The following PRRC2A variants were observed in gnomAD, a reference collection of about 807,000 sequenced individuals.
The protein encoded by PRRC2A is protein PRRC2A.
Under a neutral mutation model 224.6 loss-of-function variants are expected in PRRC2A, and 59 were observed. The observed-to-expected ratio is 0.26, with a 90% CI of 0.21 to 0.33. The LOEUF is 0.33. Ranked by LOEUF, PRRC2A falls within the 10% of genes least tolerant of loss-of-function variation. PRRC2A has a pLI of 1.00. For synonymous variants in PRRC2A, 1,194 were observed against 1,109.5 expected, an observed-to-expected ratio of 1.08 and a Z score of -1.51; for missense variants, 3,095 against 2,880.7, an observed-to-expected ratio of 1.07 and a Z score of -1.70.
In PRRC2A at chr6:31,635,986, A is replaced by C; in HGVS notation, c.5561A>C (p.Asp1854Ala). The C allele has an allele frequency of 6.2e-7, 1 of 1,612,526 alleles. No homozygotes were observed. Among genetic ancestry groups the C allele is most frequent in the East Asian group, 2.2e-5 (1 of 44,862 alleles). The change falls in exon 25 of 31, where the codon GAC becomes GCC. Residue 1854 changes from aspartate to alanine, a missense_variant. Physicochemically the swap from Asp to Ala is moderately radical, Grantham distance 126. Around this residue, in one of 8 missense-constraint regions of PRRC2A, gnomAD observed 662 missense variants for 609.5 expected, o/e 1.09. Coordinates refer to ENST00000376033, the MANE Select transcript of PRRC2A (RefSeq NM_004638.4). ...SSSQISGGAM[D>A]SQLHPNSGGF... is the part of the protein sequence containing the mutation. ...CTGCAGATCTCTGGGGGAGCCATGG[A>C]CTCTCAATTACATCCAAACAGTGGA...
In PRRC2A at chr6:31,632,240, C is replaced by T; in HGVS notation, c.3567C>T (p.Ala1189=). The T allele has an allele frequency of 6.2e-7, 1 of 1,612,858 alleles. No individual in the cohort carries two copies. Among genetic ancestry groups the T allele is most frequent in the Non-Finnish European group, 8.5e-7 (1 of 1,179,926 alleles). Residue 1189 remains alanine, a synonymous_variant, in exon 16 of 31, where the codon GCC becomes GCT. Coordinates refer to ENST00000376033, the MANE Select transcript of PRRC2A (RefSeq NM_004638.4). The part of the protein sequence containing the change: ...PQVCPGWSPP[A]KSLAPKKPPT... The stretch of plus-strand genomic sequence containing the variant: ...TTTGCCCAGGCTGGAGCCCTCCAGC[C>T]AAGTCTCTGGCTCCCAAGAAACCTC...
At position 31,625,981 on chromosome 6, in the gene PRRC2A, A is replaced by T. The variant is rs1366541193; in HGVS notation, c.840-39A>T. On this transcript the variant is annotated intron_variant, in intron 8 of 30. Coordinates refer to ENST00000376033, the MANE Select transcript of PRRC2A (RefSeq NM_004638.4). This position sits in a 1 kb window ranked among gnomAD's most constrained non-coding sequence, Gnocchi z 4.1. The stretch of plus-strand genomic sequence containing the variant: ...TCTAGGATCAGTCTCGCATGTGGTT[A>T]TACAACATGCCATATTTCATTTTCT... 3 of 1,607,950 alleles carry T rather than the reference A, an allele frequency of 1.9e-6. No individual in the cohort carries two copies. The highest frequency in any genetic ancestry group is 2.2e-5 in the South Asian group (2 of 90,578).
chr6:31,633,861 C>A lies in PRRC2A; in HGVS notation c.4591C>A (p.Pro1531Thr). ...CTGACCCTTTTTCTCTTTCCCAGACCCCCACTTTGAGGAGCCGGGGCCAAT... is the reference window on the plus strand; with the variant it reads ...CTGACCCTTTTTCTCTTTCCCAGACACCCACTTTGAGGAGCCGGGGCCAAT... ...QRVNSGLSSD[P>T]HFEEPGPMVR... Residue 1531 changes from proline to threonine, a missense_variant and splice_region_variant, in exon 18 of 31, where the codon CCC becomes ACC. This residue lies in a region of PRRC2A where 2,001 missense variants were observed against 1,764.9 expected (regional missense o/e 1.13). Transcript: ENST00000376033. 1 of 1,576,516 alleles carries A rather than the reference C, an allele frequency of 6.3e-7. No individual in the cohort carries two copies. The highest frequency in any genetic ancestry group is 8.5e-7 in the Non-Finnish European group (1 of 1,169,994).
chr6:31,632,599 T>C lies in PRRC2A; in HGVS notation c.3926T>C (p.Leu1309Pro). 2 of 1,613,046 alleles carry C rather than the reference T, an allele frequency of 1.2e-6. No individual in the cohort carries two copies. The highest frequency in any genetic ancestry group is 1.3e-5 in the African/African-American group (1 of 75,040). Residue 1309 changes from leucine (L) to proline (P), a missense_variant, in exon 16 of 31, where the codon CTG (leucine) becomes CCG (proline). Coordinates refer to ENST00000376033, the MANE Select transcript of PRRC2A (RefSeq NM_004638.4). Reference sequence around the variant, plus strand: ...CGGGCAGCTGCCAAGTCTCCTGATCTGTCAAACCAGAACTCAGACCAAGCC... The same window carrying C: ...CGGGCAGCTGCCAAGTCTCCTGATCCGTCAAACCAGAACTCAGACCAAGCC... ...PRRAAAKSPD[L>P]SNQNSDQANE...
chr6:31,627,218 G>A lies in PRRC2A; in HGVS notation c.1290+20G>A. ...TACCCAGTGAGTGTCTCCAATAAGG[G>A]ATTGAGAGGGTCAGCTGTGGGAAAT... On this transcript the variant is annotated intron_variant, in intron 11 of 30. Transcript: ENST00000376033. The surrounding 1 kb of genome is among the most constrained non-coding windows in gnomAD (Gnocchi z 5.6). The A allele has an allele frequency of 6.6e-7, 1 of 1,508,246 alleles. No homozygotes were observed. The highest frequency in any genetic ancestry group is 9.2e-7 in the Non-Finnish European group (1 of 1,090,672). The allele number at this position is 1,508,246 out of a possible 1,614,324, so 93.4% of individuals were successfully genotyped here.
At position 31,625,022 on chromosome 6, in the gene PRRC2A, T is replaced by G; in HGVS notation, c.464-149T>G. The G allele has an allele frequency of 3.5e-6, 3 of 847,956 alleles. No homozygotes were observed. The highest frequency in any genetic ancestry group is 5.6e-6 in the Non-Finnish European group (3 of 537,802). The allele number at this position is 847,956 out of a possible 1,614,324, so 52.5% of individuals were successfully genotyped here. A position where few individuals can be genotyped will look rare whatever the true frequency, so the allele number is the denominator to read the frequency against. On this transcript the variant is annotated intron_variant, in intron 5 of 30. Coordinates refer to ENST00000376033, the MANE Select transcript of PRRC2A (RefSeq NM_004638.4). The surrounding 1 kb of genome is among the most constrained non-coding windows in gnomAD (Gnocchi z 4.1). ...CACATGTTGGCCAGGATGGTCTCGA[T>G]CTCTTGACCTCGTGATCCGCCCGCC... is the stretch of plus-strand genomic sequence containing the variant.
At chr6:31,629,046 G>A (rs2150510509) in intron 12 of PRRC2A, 98 bp from the exon 13 acceptor site, 1 of 1,233,566 alleles carries the variant, frequency 8.1e-7, no homozygotes, top group East Asian at 2.3e-5. Flanking sequence ...GAATATTTTA[G>A]TCTTAAGGGA....
Position 31,632,334 on chromosome 6 carries a change from G to C in PRRC2A, c.3661G>C (p.Val1221Leu). Residue 1221 changes from valine to leucine, a missense_variant, in exon 16 of 31, where the codon GTG becomes CTG. Val to Leu is a conservative substitution (Grantham distance 32). Around this residue, in one of 8 missense-constraint regions of PRRC2A, gnomAD observed 2,001 missense variants for 1,764.9 expected, o/e 1.13. Transcript: ENST00000376033. ...EKLIPGPLSP[V>L]ARGGSNGGSN... The stretch of plus-strand genomic sequence containing the variant: ...GTTGATCCCAGGGCCTCTGTCCCCT[G>C]TGGCGCGCGGAGGCAGCAATGGAGG... 1 of 1,613,486 alleles carries C rather than the reference G, an allele frequency of 6.2e-7. No homozygotes were observed. Among genetic ancestry groups the C allele is most frequent in the Non-Finnish European group, 8.5e-7 (1 of 1,180,024 alleles).
In PRRC2A at chr6:31,636,889, A is replaced by T; in HGVS notation, c.6091A>T (p.Thr2031Ser). The change falls in exon 28 of 31, where the codon ACT becomes TCT. Residue 2031 changes from threonine (T) to serine (S), a missense_variant. Transcript: ENST00000376033. The surrounding 1 kb of genome is among the most constrained non-coding windows in gnomAD (Gnocchi z 4.3). ...TGTGCGGCCCCCACCTGCTCCTGCT[A>T]CTCGGGTGCTGCCTTCACCTGCCAG... ...LAVRPPPAPA[T>S]RVLPSPARPF... is the part of the protein sequence containing the mutation. The T allele has an allele frequency of 4.3e-6, 7 of 1,612,722 alleles. No homozygotes were observed. Among genetic ancestry groups the T allele is most frequent in the Non-Finnish European group, 5.9e-6 (7 of 1,179,974 alleles).
At position 31,624,902 on chromosome 6, in the gene PRRC2A, G is replaced by A. The variant is rs9501150; in HGVS notation, c.464-269G>A. 1.8e-3 allele frequency: 923 copies of A among 526,402 alleles called. 6 individuals carry two copies. Among genetic ancestry groups the A allele is most frequent in the African/African-American group, 0.013 (702 of 52,840 alleles). 32.6% of individuals were successfully genotyped at this position (526,402 alleles called of 1,614,324 possible). On this transcript the variant is annotated intron_variant, in intron 5 of 30. Coordinates refer to ENST00000376033, the MANE Select transcript of PRRC2A (RefSeq NM_004638.4). ...CAACCTCTGCCTCCTGGGTTCAAGC[G>A]ATTTTCCTGCCTCAGCCTCCAGAGT...
intron 14 of PRRC2A, 86 bp downstream of exon 14, chr6:31,629,931 C>T (rs2736163): frequency 0.045 from 70,460 of 1,560,504 alleles, 3,087 homozygotes; most frequent in African/African-American, 0.21. Context: ...GACTCTGGTA[C>T]GATAGGTTTT....
chr6:31,635,057 C>CGT, intron 21 of PRRC2A, 75 bp from the exon 22 acceptor site: 7 of 1,598,384 alleles, frequency 4.4e-6, no homozygotes, highest in East Asian at 4.5e-5. Flanking sequence ...TTTCTCTCTG[C>CGT]GTGTGTGTTC....
chr6:31,636,394 C>T lies in PRRC2A; in HGVS notation c.5810C>T (p.Pro1937Leu), dbSNP rs753447840. The change falls in exon 26 of 31, where the codon CCT becomes CTT. Residue 1937 changes from proline (P) to leucine (L), a missense_variant. By Grantham distance (98) the Pro-to-Leu change is moderately conservative. This residue lies in a region of PRRC2A where 662 missense variants were observed against 609.5 expected (regional missense o/e 1.09). Coordinates refer to ENST00000376033, the MANE Select transcript of PRRC2A (RefSeq NM_004638.4). This position sits in a 1 kb window ranked among gnomAD's most constrained non-coding sequence, Gnocchi z 4.3. ...TACTCTCCGGCTTTCTGCCCCAGTC[C>T]TTTGCCTGACACATCGTTGCTTCAG... ...FLYSPAFCPS[P>L]LPDTSLLQVR... The T allele has an allele frequency of 6.2e-7, 1 of 1,612,960 alleles. No homozygotes were observed. Among genetic ancestry groups the T allele is most frequent in the South Asian group, 1.1e-5 (1 of 91,082 alleles).
At position 31,632,809 on chromosome 6, in the gene PRRC2A, A is replaced by G. The variant is rs758364434; in HGVS notation, c.4136A>G (p.Asp1379Gly). The G allele has an allele frequency of 1.9e-6, 3 of 1,612,998 alleles. No homozygotes were observed. In the African/African-American group the frequency reaches 4.0e-5, roughly 22 times the overall value. ...SRGDLSQRAK[D>G]LSKRSFSSQR... ...GGAGATCTGAGCCAGAGAGCCAAGGATTTGAGTAAACGGAGCTTCTCAAGT... is the reference window on the plus strand; with the variant it reads ...GGAGATCTGAGCCAGAGAGCCAAGGGTTTGAGTAAACGGAGCTTCTCAAGT... Residue 1379 changes from aspartate to glycine, a missense_variant, in exon 16 of 31, where the codon GAT becomes GGT. Physicochemically the swap from Asp to Gly is moderately conservative, Grantham distance 94. Around this residue, in one of 8 missense-constraint regions of PRRC2A, gnomAD observed 2,001 missense variants for 1,764.9 expected, o/e 1.13. Transcript: ENST00000376033.
chr6:31,625,093 C>G lies in PRRC2A; in HGVS notation c.464-78C>G, dbSNP rs1450053281. 4 of 1,525,178 alleles carry G rather than the reference C, an allele frequency of 2.6e-6. No homozygotes were observed. In the South Asian group the frequency reaches 4.9e-5, roughly 19 times the overall value. The allele number at this position is 1,525,178 out of a possible 1,614,324, so 94.5% of individuals were successfully genotyped here. A position where few individuals can be genotyped will look rare whatever the true frequency, so the allele number is the denominator to read the frequency against. On this transcript the variant is annotated intron_variant, in intron 5 of 30. Transcript: ENST00000376033. The surrounding 1 kb of genome is among the most constrained non-coding windows in gnomAD (Gnocchi z 4.1). ...GATTACAGGCGTGAGCCACCGCGCC[C>G]AGCCAGAGTCTTCCACTTTTATAGC...
chr6:31,622,307 TTTC>T lies in PRRC2A; in HGVS notation c.-100-375_-100-373del, dbSNP rs1420538618. On this transcript the variant is annotated intron_variant, in intron 1 of 30. Coordinates refer to ENST00000376033, the MANE Select transcript of PRRC2A (RefSeq NM_004638.4). ...AATAAACAGGGAATCTAAAGTGTTG[TTTC>T]TTCTTCTCTGATGGAATTGTATGCT... Among the ~76,000 whole-genome samples the T allele has an allele frequency of 5.9e-5, 9 of 152,236 alleles. No homozygotes were observed. The East Asian group carries it at 1.5e-3, about 26-fold the overall frequency.
In PRRC2A at chr6:31,631,646, A is replaced by G; in HGVS notation, c.2973A>G (p.Leu991=). The G allele has an allele frequency of 6.6e-7, 1 of 1,517,184 alleles. No homozygotes were observed. The highest frequency in any genetic ancestry group is 8.8e-7 in the Non-Finnish European group (1 of 1,135,252). The allele number at this position is 1,517,184 out of a possible 1,614,324, so 94.0% of individuals were successfully genotyped here. ...PDPLKITKGK[L]GGPKETPPNG... ...CACTCAAGATAACCAAGGGGAAGCTAGGGGGCCCCAAGGAGACCCCACCCA... is the reference window on the plus strand; with the variant it reads ...CACTCAAGATAACCAAGGGGAAGCTGGGGGGCCCCAAGGAGACCCCACCCA... The change falls in exon 16 of 31, where the codon CTA becomes CTG. Residue 991 remains leucine (L), a synonymous_variant. Coordinates refer to ENST00000376033, the MANE Select transcript of PRRC2A (RefSeq NM_004638.4). This position sits in a 1 kb window ranked among gnomAD's most constrained non-coding sequence, Gnocchi z 4.5.
In PRRC2A at chr6:31,635,397, T is replaced by C. The variant is rs553627458; in HGVS notation, c.5305T>C (p.Ser1769Pro). The C allele has an allele frequency of 6.2e-7, 1 of 1,614,206 alleles. No homozygotes were observed. The highest frequency in any genetic ancestry group is 8.5e-7 in the Non-Finnish European group (1 of 1,180,020). ...PVQFGTSDKD[S>P]DLRLVVGDSL... ...TCCTGCCTTCTTGTGATCACAGGAC[T>C]CAGACTTACGCCTAGTGGTAGGAGA... is the stretch of plus-strand genomic sequence containing the variant. Residue 1769 changes from serine (S) to proline (P), a missense_variant, in exon 23 of 31, where the codon TCA (serine) becomes CCA (proline). Physicochemically the swap from Ser to Pro is moderately conservative, Grantham distance 74. Transcript: ENST00000376033.
At chr6:31,623,680 T>C (rs375466232) in intron 2 of PRRC2A, 52 bp from the exon 3 acceptor site, 14 of 1,581,424 alleles carry the variant, frequency 8.9e-6, no homozygotes, top group Non-Finnish European at 1.2e-5. Flanking sequence ...TAGGAGGCCA[T>C]CAGATCTCCC....
Sources: allele counts gnomAD v4.1 joint callset (sites outside exome capture counted in the v4.1 genomes callset), GRCh38; gene constraint gnomAD v4.1.1; regional missense constraint gnomAD v4.1.1; non-coding constraint Gnocchi (gnomAD v3.1); transcripts MANE v1.5; gene names NCBI Gene and HGNC (gene_info 2026-07-23, HGNC 2026-07-21).